The following CEP128 variants were observed in gnomAD, a reference collection of about 807,000 sequenced individuals.
The protein encoded by CEP128 is centrosomal protein 128kDa.
CEP128 carries 132 observed loss-of-function variants against 156.7 expected under a neutral mutation model. That is an observed-to-expected ratio of 0.84 (90% confidence interval 0.73 to 0.97). The LOEUF (loss-of-function observed/expected upper bound fraction) is 0.97, where lower values mean the gene tolerates loss of function less well. Ranked by LOEUF, CEP128 falls within the 50% of genes least tolerant of loss-of-function variation. The probability of loss-of-function intolerance (pLI) is 0.00; values close to 1 mark genes in which losing one functional copy is unlikely to be tolerated. For missense variants in CEP128, 1,252 were observed against 1,281.9 expected, an observed-to-expected ratio of 0.98 and a Z score of 0.36; for synonymous variants, 469 against 448.9, an observed-to-expected ratio of 1.04 and a Z score of -0.57.
In CEP128 at chr14:80,613,554, C is replaced by A. The variant is rs560684829; in HGVS notation, c.2807-33131G>T. Among the ~76,000 whole-genome samples the A allele has an allele frequency of 1.4e-3, 219 of 152,018 alleles. 1 individual carries two copies. Among genetic ancestry groups the A allele is most frequent in the African/African-American group, 5.0e-3 (208 of 41,464 alleles). On this transcript the variant is annotated intron_variant, in intron 19 of 24. Coordinates refer to ENST00000555265, the MANE Select transcript of CEP128 (RefSeq NM_152446.5). ...TCAATCTCCTGACCTTGTGATCCACCTGCCTCGGCCTCTCGAAGGGCTGGG... is the reference window on the plus strand; with the variant it reads ...TCAATCTCCTGACCTTGTGATCCACATGCCTCGGCCTCTCGAAGGGCTGGG...
intron 19 of CEP128, among the ~76,000 whole-genome samples, chr14:80,613,355 T>C (rs574212297): frequency 1.3e-4 from 16 of 125,370 alleles, no homozygotes; most frequent in Non-Finnish European, 2.0e-4. Context: ...CAGGCTGGAG[T>C]GCAGTGGCGC....
At chr14:80,852,710 T>G (rs1886955080) in intron 9 of CEP128, among the ~76,000 whole-genome samples, 1 of 151,900 alleles carries the variant, frequency 6.6e-6, no homozygotes, top group Non-Finnish European at 1.5e-5. Context: ...ACAAATTGTT[T>G]TATGGGTAAG....
At chr14:80,645,152 T>TA (rs1894582084) in intron 19 of CEP128, among the ~76,000 whole-genome samples, 2 of 152,124 alleles carry the variant, frequency 1.3e-5, no homozygotes, top group African/African-American at 4.8e-5. Context: ...GCTAACTAAA[T>TA]ATAATATATA....
Position 80,785,159 on chromosome 14 carries a change from A to ATCAGATC in CEP128, c.1946_1947insGATCTGA (p.Asn649LysfsTer3). 1 of 1,614,126 alleles carries ATCAGATC rather than the reference A, an allele frequency of 6.2e-7. No individual in the cohort carries two copies. Among genetic ancestry groups the ATCAGATC allele is most frequent in the Non-Finnish European group, 8.5e-7 (1 of 1,180,002 alleles). ...TGGCTCTCTCTTCCTCAGCCAATTT[A>ATCAGATC]TTAGCAAGATCTGCTCGGATGGCAC... On this transcript the variant is annotated stop_gained and frameshift_variant, in exon 15 of 25. Transcript: ENST00000555265. LOFTEE classifies it high-confidence loss of function.
At chr14:80,506,690 A>G (rs1040081365) in intron 23 of CEP128, among the ~76,000 whole-genome samples, 2 of 152,154 alleles carry the variant, frequency 1.3e-5, no homozygotes, top group Non-Finnish European at 2.9e-5. Context: ...CCGACTTTAT[A>G]TTTTATTTCT....
At chr14:80,876,512 G>A (rs951679794) in intron 8 of CEP128, among the ~76,000 whole-genome samples, 21 of 151,840 alleles carry the variant, frequency 1.4e-4, no homozygotes, top group African/African-American at 2.4e-4. Context: ...CAAGAGAATC[G>A]CGTGAAACTG....
chr14:80,811,665 G>A (rs1884540899), intron 13 of CEP128, among the ~76,000 whole-genome samples: 1 of 144,304 alleles, frequency 6.9e-6, no homozygotes, highest in Non-Finnish European at 1.5e-5. Flanking sequence ...GTATGTGTGT[G>A]TGTACAGACA....
intron 18 of CEP128, among the ~76,000 whole-genome samples, chr14:80,744,544 A>C (rs1465429178): frequency 6.6e-6 from 1 of 152,194 alleles, no homozygotes; most frequent in Non-Finnish European, 1.5e-5. Context: ...CAGCAAATGA[A>C]GAAACATTTA....
chr14:80,695,779 G>C (rs1896873624), intron 19 of CEP128, among the ~76,000 whole-genome samples: 1 of 151,796 alleles, frequency 6.6e-6, no homozygotes, highest in South Asian at 2.1e-4. Flanking sequence ...TATTGCTGGT[G>C]GTCAAAGTGC....
At chr14:80,779,115 T>A (rs564568562) in intron 15 of CEP128, among the ~76,000 whole-genome samples, 1 of 152,180 alleles carries the variant, frequency 6.6e-6, no homozygotes, top group Non-Finnish European at 1.5e-5. Context: ...CAACTAGAAA[T>A]GCTAACAAAA....
At chr14:80,596,251 G>A (rs1892314466) in intron 19 of CEP128, among the ~76,000 whole-genome samples, 1 of 152,012 alleles carries the variant, frequency 6.6e-6, no homozygotes, top group Non-Finnish European at 1.5e-5. Flanking sequence ...CTCACCTAAA[G>A]TGTAATGATA....
downstream of CEP128, among the ~76,000 whole-genome samples, chr14:80,493,005 T>A (rs1439490589): frequency 6.6e-6 from 1 of 152,186 alleles, no homozygotes; most frequent in Non-Finnish European, 1.5e-5. Flanking sequence ...ATTCTGATCT[T>A]TATTTCCAAT....
In CEP128 at chr14:80,777,938, C is replaced by T; in HGVS notation, c.2320G>A (p.Glu774Lys). 3 of 1,612,742 alleles carry T rather than the reference C, an allele frequency of 1.9e-6. No homozygotes were observed. The highest frequency in any genetic ancestry group is 2.5e-6 in the Non-Finnish European group (3 of 1,179,174). The change falls in exon 16 of 25, where the codon GAG becomes AAG. Residue 774 changes from glutamate (E) to lysine (K), a missense_variant. Coordinates refer to ENST00000555265, the MANE Select transcript of CEP128 (RefSeq NM_152446.5). ...TATTTTAGCTTCAGTTTTTTGTTCTCATTTTCATTCTGGGTTAATTCCTCT... is the reference window on the plus strand; with the variant it reads ...TATTTTAGCTTCAGTTTTTTGTTCTTATTTTCATTCTGGGTTAATTCCTCT... ...LTEELTQNEN[E>K]NKKLKLKYQC...
At chr14:80,885,887 G>T (rs1256548720) in intron 8 of CEP128, among the ~76,000 whole-genome samples, 2 of 151,960 alleles carry the variant, frequency 1.3e-5, no homozygotes, top group Non-Finnish European at 2.9e-5. Context: ...CTTGATAAAA[G>T]GTTATAGGAA....
chr14:80,930,505 C>G (rs1021570146), intron 2 of CEP128, among the ~76,000 whole-genome samples: 32 of 152,148 alleles, frequency 2.1e-4, no homozygotes, highest in African/African-American at 6.0e-4. Context: ...GATGGGACAG[C>G]AGAAGATGCT....
At chr14:80,546,283 T>C (rs1048879114) in intron 21 of CEP128, among the ~76,000 whole-genome samples, 1 of 152,196 alleles carries the variant, frequency 6.6e-6, no homozygotes, top group Non-Finnish European at 1.5e-5. Context: ...ATTAGTCCCA[T>C]TTCCTAGATG....
At chr14:80,643,579 G>A (rs941245152) in intron 19 of CEP128, among the ~76,000 whole-genome samples, 10 of 152,080 alleles carry the variant, frequency 6.6e-5, no homozygotes, top group East Asian at 3.9e-4. Context: ...GTGCAGCGGC[G>A]AGCACCTGTA....
At chr14:80,837,333 A>C (rs1241125574) in intron 11 of CEP128, among the ~76,000 whole-genome samples, 1 of 152,240 alleles carries the variant, frequency 6.6e-6, no homozygotes, top group East Asian at 1.9e-4. Flanking sequence ...CAATGTATGT[A>C]AGATGGTTAT....
At position 80,742,417 on chromosome 14, in the gene CEP128, A is replaced by G. The variant is rs180977386; in HGVS notation, c.2806+658T>C. ...CTTTTGCATTTGTTGCCTGTTTTCC[A>G]ATTCCACTACCAAGGTGCTTCTTCA... On this transcript the variant is annotated intron_variant, in intron 19 of 24. Coordinates refer to ENST00000555265, the MANE Select transcript of CEP128 (RefSeq NM_152446.5). Among the ~76,000 whole-genome samples the G allele has an allele frequency of 3.2e-3, 481 of 152,122 alleles. 4 individuals are homozygous for G. Among genetic ancestry groups the G allele is most frequent in the Non-Finnish European group, 4.6e-3 (314 of 67,982 alleles).
Sources: allele counts gnomAD v4.1 joint callset (sites outside exome capture counted in the v4.1 genomes callset), GRCh38; gene constraint gnomAD v4.1.1; transcripts MANE v1.5; gene names NCBI Gene and HGNC (gene_info 2026-07-23, HGNC 2026-07-21).